The following OSBPL8 variants were observed in gnomAD, a reference collection of about 807,000 sequenced individuals.
OSBPL8 encodes oxysterol binding protein like 8.
Under a neutral mutation model 125.5 loss-of-function variants are expected in OSBPL8, and 59 were observed. The observed-to-expected ratio is 0.47, with a 90% CI of 0.38 to 0.58. The LOEUF (loss-of-function observed/expected upper bound fraction) is 0.58, where lower values mean the gene tolerates loss of function less well. Among genes scored for constraint, OSBPL8 ranks in the 20% least tolerant of loss-of-function variants. The pLI is 0.00. For synonymous variants in OSBPL8, 330 were observed against 338.9 expected, an observed-to-expected ratio of 0.97 and a Z score of 0.29; for missense variants, 758 against 1,047.8, an observed-to-expected ratio of 0.72 and a Z score of 3.82.
In OSBPL8 at chr12:76,494,145, AT is replaced by A. The variant is rs367951334; in HGVS notation, c.-67-6528del. The stretch of plus-strand genomic sequence containing the variant: ...TTTGACAGGCAATTCATAAATCTCC[AT>A]TTGGGGAGGGTTGATTATTGGAAAA... On this transcript the variant is annotated intron_variant, in intron 1 of 23. Transcript: ENST00000261183. Among the ~76,000 whole-genome samples, 72 of 152,200 alleles carry A rather than the reference AT, an allele frequency of 4.7e-4. 1 individual carries two copies. In the South Asian group the frequency reaches 0.014, roughly 30 times the overall value.
chr12:76,370,274 T>A (rs879639954), intron 19 of OSBPL8, among the ~76,000 whole-genome samples: 4 of 152,188 alleles, frequency 2.6e-5, no homozygotes, highest in Non-Finnish European at 5.9e-5. Flanking sequence ...ATTTTTATAA[T>A]CAGAATCTCT....
chr12:76,404,918 C>T (rs534318347), intron 5 of OSBPL8, among the ~76,000 whole-genome samples: 3 of 152,154 alleles, frequency 2.0e-5, no homozygotes, highest in Non-Finnish European at 2.9e-5. Context: ...ACTGTATATA[C>T]GAAATATTTA....
intron 2 of OSBPL8, among the ~76,000 whole-genome samples, chr12:76,480,167 C>CAAA (rs57582036): frequency 5.0e-3 from 282 of 56,096 alleles, no homozygotes; most frequent in African/African-American, 5.7e-3. Flanking sequence ...AACTCCATCT[C>CAAA]AAAAAAAAAA....
intron 1 of OSBPL8, among the ~76,000 whole-genome samples, chr12:76,499,372 A>G (rs1320757924): frequency 6.6e-6 from 1 of 150,710 alleles, no homozygotes; most frequent in African/African-American, 2.4e-5. Flanking sequence ...TATCTAATCT[A>G]TCTAATCTAT....
rs1951892674 is a variant in OSBPL8, at chr12:76,353,621, T to C, written c.*2268A>G. The C allele has an allele frequency of 6.6e-6, 1 of 152,324 alleles. No individual in the cohort carries two copies. Among genetic ancestry groups the C allele is most frequent in the South Asian group, 2.1e-4 (1 of 4,832 alleles). 9.4% of individuals were successfully genotyped at this position (152,324 alleles called of 1,614,324 possible). A position where few individuals can be genotyped will look rare whatever the true frequency, so the allele number is the denominator to read the frequency against. ...AGTTAGTAATTATGTGTTATAAAGATTCATATAACTAAGCCTAGTACAAGC... is the reference window on the plus strand; with the variant it reads ...AGTTAGTAATTATGTGTTATAAAGACTCATATAACTAAGCCTAGTACAAGC... On this transcript the variant is annotated 3_prime_UTR_variant, in exon 24 of 24. Coordinates refer to ENST00000261183, the MANE Select transcript of OSBPL8 (RefSeq NM_020841.5).
rs1412626428 is a variant in OSBPL8 at position 76,352,754 on chromosome 12, T to C, written c.*3135A>G. ...AAACACTGGAAAAAATGGAATTTTA[T>C]ACATTTGTTTTCTTAAATTTTGACA... On this transcript the variant is annotated 3_prime_UTR_variant, in exon 24 of 24. Transcript: ENST00000261183. 6.6e-6 allele frequency: 1 copy of C among 152,524 alleles called. No homozygotes were observed. The highest frequency in any genetic ancestry group is 2.1e-4 in the South Asian group (1 of 4,834). The allele number at this position is 152,524 out of a possible 1,614,324, so 9.4% of individuals were successfully genotyped here.
At position 76,389,691 on chromosome 12, in the gene OSBPL8, G is replaced by T; in HGVS notation, c.1306C>A (p.Leu436Met). Reference sequence around the variant, plus strand: ...TAGTAGTAATCTGAAAGTTTATCCAGGAAAGAACGGGGTTCCAAAATAAAT... The same window carrying T: ...TAGTAGTAATCTGAAAGTTTATCCATGAAAGAACGGGGTTCCAAAATAAAT... ...PTFILEPRSFLDKLSDYYYHA... is the reference protein window; with the variant it reads ...PTFILEPRSFMDKLSDYYYHA... Residue 436 changes from leucine (L) to methionine (M), a missense_variant, in exon 12 of 24, where the codon CTG becomes ATG. By Grantham distance (15) the Leu-to-Met change is conservative. This residue lies in a region of OSBPL8 where 572 missense variants were observed against 762.0 expected (regional missense o/e 0.75). Coordinates refer to ENST00000261183, the MANE Select transcript of OSBPL8 (RefSeq NM_020841.5). 1.4e-5 allele frequency: 22 copies of T among 1,602,504 alleles called. No individual in the cohort carries two copies. The highest frequency in any genetic ancestry group is 1.6e-5 in the Non-Finnish European group (19 of 1,173,754).
chr12:76,450,007 A>G (rs1457508072), intron 4 of OSBPL8, among the ~76,000 whole-genome samples: 1 of 152,196 alleles, frequency 6.6e-6, no homozygotes, highest in East Asian at 1.9e-4. Context: ...TTATTCATAT[A>G]CTTCAATCGG....
At chr12:76,555,833 G>A (rs1305547733) in intron 1 of OSBPL8, among the ~76,000 whole-genome samples, 2 of 152,140 alleles carry the variant, frequency 1.3e-5, no homozygotes, top group African/African-American at 2.4e-5. Context: ...TTTTTATTTA[G>A]GGAGAGGTGA....
chr12:76,416,920 T>C (rs982548602), intron 4 of OSBPL8, among the ~76,000 whole-genome samples: 3 of 152,204 alleles, frequency 2.0e-5, no homozygotes, highest in Non-Finnish European at 4.4e-5. Flanking sequence ...AAATTAATCA[T>C]TGTGTTTAGT....
intron 1 of OSBPL8, among the ~76,000 whole-genome samples, chr12:76,534,041 G>C (rs144120925): frequency 6.6e-6 from 1 of 152,234 alleles, no homozygotes; most frequent in Non-Finnish European, 1.5e-5. Flanking sequence ...GTAAACTAAA[G>C]TGGTTTAAGA....
chr12:76,559,110 C>T (rs1292845936), intron 1 of OSBPL8, among the ~76,000 whole-genome samples: 1 of 152,164 alleles, frequency 6.6e-6, no homozygotes, highest in Non-Finnish European at 1.5e-5. Flanking sequence ...TCAGGAGGGA[C>T]AGACACCCGG....
chr12:76,414,458 T>G (rs1868373651), intron 4 of OSBPL8, among the ~76,000 whole-genome samples: 1 of 147,836 alleles, frequency 6.8e-6, no homozygotes, highest in Non-Finnish European at 1.5e-5. Flanking sequence ...TGGTTTTTTT[T>G]TTTTTTTTTT....
chr12:76,504,289 G>A (rs1430967371), intron 1 of OSBPL8, among the ~76,000 whole-genome samples: 1 of 151,956 alleles, frequency 6.6e-6, no homozygotes, highest in African/African-American at 2.4e-5. Flanking sequence ...AGAGTACCCT[G>A]ACTAATCCAA....
chr12:76,481,910 G>C (rs184269206), intron 2 of OSBPL8, among the ~76,000 whole-genome samples: 1 of 152,230 alleles, frequency 6.6e-6, no homozygotes, highest in East Asian at 1.9e-4. Flanking sequence ...TTAAGGCTTT[G>C]AATAAACTCT....
intron 1 of OSBPL8, among the ~76,000 whole-genome samples, chr12:76,528,603 T>C (rs553727500): frequency 4.3e-4 from 65 of 152,194 alleles, no homozygotes; most frequent in Non-Finnish European, 8.4e-4. Flanking sequence ...GTGAGTACTA[T>C]AGAAAGGGTA....
At chr12:76,441,450 T>C (rs561178814) in intron 4 of OSBPL8, among the ~76,000 whole-genome samples, 16 of 152,272 alleles carry the variant, frequency 1.1e-4, no homozygotes, top group African/African-American at 3.8e-4. Flanking sequence ...CTTGGCTACA[T>C]ATTTATTAAA....
intron 2 of OSBPL8, among the ~76,000 whole-genome samples, chr12:76,464,926 T>C (rs1875215567): frequency 6.6e-6 from 1 of 152,196 alleles, no homozygotes; most frequent in Admixed American, 6.5e-5. Context: ...GAGTGCTCTA[T>C]TTAGCGTTAT....
intron 1 of OSBPL8, among the ~76,000 whole-genome samples, chr12:76,514,916 T>G (rs558405014): frequency 2.6e-5 from 4 of 152,374 alleles, no homozygotes; most frequent in African/African-American, 9.6e-5. Context: ...CTGAGATTCT[T>G]TCCTCAGCCT....
Sources: gnomAD v4.1 joint callset for allele counts (sites outside exome capture counted in the v4.1 genomes callset) on GRCh38, gnomAD v4.1.1 for gene constraint, gnomAD v4.1.1 regional missense constraint, MANE v1.5 for transcripts, NCBI Gene and HGNC (gene_info 2026-07-23, HGNC 2026-07-21) for gene names.